The following PTCH1 variants were observed in gnomAD, a reference collection of about 807,000 sequenced individuals.
PTCH1 encodes the protein protein patched homolog 1.
PTCH1 carries 14 observed loss-of-function variants against 144.6 expected under a neutral mutation model. That is an observed-to-expected ratio of 0.10 (90% confidence interval 0.06 to 0.15). The LOEUF (loss-of-function observed/expected upper bound fraction) is 0.15. Among genes scored for constraint, PTCH1 ranks in the 10% least tolerant of loss-of-function variants. The pLI is 1.00. For missense variants in PTCH1, 1,623 were observed against 1,948.3 expected (o/e 0.83, Z 3.14); for synonymous variants, 833 against 793.6 (o/e 1.05, Z -0.83).
intron 2 of PTCH1, among the ~76,000 whole-genome samples, chr9:95,493,753 G>C (rs1244910219): frequency 6.6e-6 from 1 of 151,944 alleles, no homozygotes; most frequent in Non-Finnish European, 1.5e-5. Flanking sequence ...CTCTAAGCGG[G>C]TGTAACTGCA....
chr9:95,455,027 C>A (rs920837852), intron 19 of PTCH1, among the ~76,000 whole-genome samples: 6 of 152,132 alleles, frequency 3.9e-5, no homozygotes, highest in Non-Finnish European at 7.4e-5. Context: ...TTTTGAAGAA[C>A]TGTATTGGAA....
rs949732817 is a variant in PTCH1 at position 95,445,465 on chromosome 9, G to A, written c.*928C>T. On this transcript the variant is annotated 3_prime_UTR_variant, in exon 24 of 24. Coordinates refer to ENST00000331920, the MANE Select transcript of PTCH1 (RefSeq NM_000264.5). ...AACTGATGTGAGCTCCATACCCTGA[G>A]GTTCCAGCATCCATCACAATGATCC... is the stretch of plus-strand genomic sequence containing the variant. 1 of 152,208 alleles carries A rather than the reference G, an allele frequency of 6.6e-6. No homozygotes were observed. Among genetic ancestry groups the A allele is most frequent in the Non-Finnish European group, 1.5e-5 (1 of 68,066 alleles). The allele number at this position is 152,208 out of a possible 1,614,324, so 9.4% of individuals were successfully genotyped here.
chr9:95,468,805 G>C lies in PTCH1; in HGVS notation c.2196C>G (p.Leu732=), dbSNP rs1355356596. ...CLEPPCTKWT[L]SSFAEKHYAP... is the part of the protein sequence containing the mutation. The stretch of plus-strand genomic sequence containing the variant: ...CATAGTGCTTCTCAGCAAAAGATGA[G>C]AGTGTCCACTTCGTACAGGGGGGCT... Residue 732 remains leucine (L), a synonymous_variant, in exon 14 of 24, where the codon CTC becomes CTG. Transcript: ENST00000331920. The C allele has an allele frequency of 6.2e-7, 1 of 1,614,210 alleles. No homozygotes were observed. Among genetic ancestry groups the C allele is most frequent in the Non-Finnish European group, 8.5e-7 (1 of 1,180,038 alleles).
At position 95,507,031 on chromosome 9, in the gene PTCH1, G is replaced by A. The variant is rs1843722583; in HGVS notation, c.202-432C>T. 4 of 989,446 alleles carry A rather than the reference G, an allele frequency of 4.0e-6. No individual in the cohort carries two copies. The South Asian group carries it at 1.9e-4, about 46-fold the overall frequency. The allele number at this position is 989,446 out of a possible 1,614,324, so 61.3% of individuals were successfully genotyped here. A position where few individuals can be genotyped will look rare whatever the true frequency, so the allele number is the denominator to read the frequency against. ...AGTCCTGCTCTGTCCATCACCCTCG[G>A]GGACGGGCGCTAGGGGCGAGCGCTC... On this transcript the variant is annotated intron_variant, in intron 1 of 23. Transcript: ENST00000331920.
At chr9:95,463,296 C>T (rs1342534339) in intron 15 of PTCH1, among the ~76,000 whole-genome samples, 2 of 151,806 alleles carry the variant, frequency 1.3e-5, no homozygotes, top group Non-Finnish European at 2.9e-5. Context: ...TCTGACACTA[C>T]TGGCTAGAGG....
chr9:95,483,668 C>T (rs1002856108), intron 3 of PTCH1: 2 of 152,338 alleles, frequency 1.3e-5, no homozygotes, highest in East Asian at 3.9e-4. Context: ...ATGGGGACCG[C>T]CCACGTTTCC....
In PTCH1 at chr9:95,476,894, C is replaced by G. The variant is rs763430290; in HGVS notation, c.1504-37G>C. On this transcript the variant is annotated intron_variant, in intron 10 of 23. Coordinates refer to ENST00000331920, the MANE Select transcript of PTCH1 (RefSeq NM_000264.5). The surrounding 1 kb of genome is among the most constrained non-coding windows in gnomAD (Gnocchi z 4.6). ...ACAGAGGATGGTGGCATTAGACATG[C>G]GAGATGCAATTCAGATGATTCTAAA... The G allele has an allele frequency of 6.3e-7, 1 of 1,579,296 alleles. No homozygotes were observed. Among genetic ancestry groups the G allele is most frequent in the Non-Finnish European group, 8.7e-7 (1 of 1,151,342 alleles).
intron 2 of PTCH1, among the ~76,000 whole-genome samples, chr9:95,493,765 A>G (rs1266632572): frequency 6.6e-6 from 1 of 152,066 alleles, no homozygotes; most frequent in East Asian, 1.9e-4. Flanking sequence ...GTAACTGCAA[A>G]ATTATTAGCA....
intron 2 of PTCH1, among the ~76,000 whole-genome samples, chr9:95,502,618 T>TAA (rs1337818238): frequency 2.6e-5 from 4 of 152,212 alleles, no homozygotes; most frequent in Non-Finnish European, 5.9e-5. Flanking sequence ...CTCAAGCTGG[T>TAA]ATCTTAACAT....
Position 95,469,091 on chromosome 9 carries a change from G to A in PTCH1, c.1910C>T (p.Thr637Ile), listed in dbSNP as rs369090032. 1.1e-5 allele frequency: 17 copies of A among 1,613,992 alleles called. No individual in the cohort carries two copies. The highest frequency in any genetic ancestry group is 3.3e-5 in the Admixed American group (2 of 60,008). The change falls in exon 14 of 24, where the codon ACC (threonine) becomes ATC (isoleucine). Residue 637 changes from threonine (T) to isoleucine (I), a missense_variant. By Grantham distance (89) the Thr-to-Ile change is moderately conservative. Transcript: ENST00000331920. The stretch of plus-strand genomic sequence containing the variant: ...GTAGGGAGGTGGGGGGCTGTAGCGG[G>A]TATTGTCGTGTGTGTCGGTGTAGGC... ...PQAYTDTHDN[T>I]RYSPPPPYSS...
At chr9:95,516,484 AC>A in exon 1 of PTCH1, 1 of 1,528,468 alleles carries the variant, frequency 6.5e-7, no homozygotes, top group African/African-American at 1.4e-5. Flanking sequence ...CCGGCCGTCA[AC>A]CCCTGCTCGG....
At chr9:95,471,627 A>C (rs1380789442) in intron 12 of PTCH1, among the ~76,000 whole-genome samples, 3 of 152,222 alleles carry the variant, frequency 2.0e-5, no homozygotes, top group African/African-American at 7.2e-5. Context: ...CACAAATGAC[A>C]ATCTCGAATG....
At chr9:95,489,528 T>C (rs984988528) in intron 2 of PTCH1, among the ~76,000 whole-genome samples, 15 of 152,100 alleles carry the variant, frequency 9.9e-5, no homozygotes, top group Non-Finnish European at 1.2e-4. Context: ...TTTCATTTTT[T>C]TGGGTAGATA....
chr9:95,468,708 AT>A (rs755594428), intron 14 of PTCH1, 42 bp downstream of exon 14: 9 of 1,603,890 alleles, frequency 5.6e-6, no homozygotes, highest in African/African-American at 1.3e-5. Flanking sequence ...AGGTTCTGTT[AT>A]TTTTTTGAAG....
intron 2 of PTCH1, among the ~76,000 whole-genome samples, chr9:95,503,733 A>AAAGATAATAATAGCTATTTTATT (rs1564083631): frequency 1.8e-4 from 22 of 124,088 alleles, no homozygotes; most frequent in South Asian, 6.8e-4. Flanking sequence ...AAAACAAAAT[A>AAAGATAATAATAGCTATTTTATT]GGGCCGGGCG....
chr9:95,514,649 A>T (rs79576312), intron 1 of PTCH1: 4,043 of 117,550 alleles, frequency 0.034, 181 homozygotes, highest in African/African-American at 0.13. Flanking sequence ...TGTGTGTGTG[A>T]GAGAGAGAGA....
At chr9:95,516,727 T>G in exon 1 of PTCH1, 1 of 1,612,912 alleles carries the variant, frequency 6.2e-7, no homozygotes, top group Middle Eastern at 1.7e-4. Context: ...GAACGGAAAG[T>G]GTAAAAACCC....
At chr9:95,479,533 C>T (rs918661833) in intron 7 of PTCH1, among the ~76,000 whole-genome samples, 28 of 152,138 alleles carry the variant, frequency 1.8e-4, no homozygotes, top group African/African-American at 6.3e-4. Context: ...TTACACGAAA[C>T]GCCAGACACC....
At chr9:95,465,513 C>G (rs1482607922) in intron 15 of PTCH1, among the ~76,000 whole-genome samples, 1 of 152,168 alleles carries the variant, frequency 6.6e-6, no homozygotes, top group Non-Finnish European at 1.5e-5. Context: ...AAATAATAAT[C>G]ATGGCATGTT....
Sources: allele counts gnomAD v4.1 joint callset (sites outside exome capture counted in the v4.1 genomes callset), GRCh38; gene constraint gnomAD v4.1.1; non-coding constraint Gnocchi (gnomAD v3.1); transcripts MANE v1.5; gene names NCBI Gene and HGNC (gene_info 2026-07-23, HGNC 2026-07-21).